IQSEC3: variants seen among roughly 807,000 people sequenced by gnomAD.
IQSEC3 encodes the protein IQ motif and SEC7 domain-containing protein 3.
A neutral mutation model predicts 105.4 loss-of-function variants in IQSEC3; 50 were observed. That is an observed-to-expected ratio of 0.47 (90% CI 0.38 to 0.60). The LOEUF (loss-of-function observed/expected upper bound fraction) is 0.60. Among genes scored for constraint, IQSEC3 ranks in the 20% least tolerant of loss-of-function variants. The pLI is 0.00. For missense variants in IQSEC3, 1,415 were observed against 1,630.0 expected (o/e 0.87, Z 2.27); for synonymous variants, 708 against 746.0 (o/e 0.95, Z 0.83).
chr12:157,992 G>C (rs1264770797), intron 7 of IQSEC3, among the ~76,000 whole-genome samples: 1 of 152,220 alleles, frequency 6.6e-6, no homozygotes, highest in Non-Finnish European at 1.5e-5. Context: ...CGGCTCAAGT[G>C]GTGCCAGCCC....
intron 2 of IQSEC3, among the ~76,000 whole-genome samples, chr12:124,167 AC>A (rs1389130955): frequency 6.6e-6 from 1 of 152,024 alleles, no homozygotes; most frequent in African/African-American, 2.4e-5. Flanking sequence ...CGGGTGGATC[AC>A]CTGAGGTCAG....
chr12:130,986 A>C (rs1162423357), intron 3 of IQSEC3, among the ~76,000 whole-genome samples: 1 of 129,198 alleles, frequency 7.7e-6, no homozygotes, highest in African/African-American at 3.0e-5. Context: ...CCTCCCCGCG[A>C]TCCTCAGCAC....
intron 1 of IQSEC3, among the ~76,000 whole-genome samples, chr12:94,885 C>T (rs908223499): frequency 5.9e-5 from 9 of 152,334 alleles, no homozygotes; most frequent in Admixed American, 3.3e-4. Context: ...TGCTTCTTTG[C>T]GTATGCTCTT....
intron 13 of IQSEC3, chr12:171,459 T>G: frequency 1.4e-6 from 1 of 727,266 alleles, no homozygotes; most frequent in Non-Finnish European, 2.3e-6. Flanking sequence ...GGGCCATCCT[T>G]CCTGTGTGCC....
At chr12:92,074 A>G (rs1350531635) in intron 1 of IQSEC3, among the ~76,000 whole-genome samples, 1 of 152,032 alleles carries the variant, frequency 6.6e-6, no homozygotes, top group Non-Finnish European at 1.5e-5. Context: ...AGACTACCTC[A>G]TGTTTAGGTT....
chr12:106,488 G>A (rs868974814), intron 2 of IQSEC3: 1 of 152,284 alleles, frequency 6.6e-6, no homozygotes, highest in African/African-American at 2.4e-5. Flanking sequence ...CCAGAGGAGT[G>A]ACGCAGAGAA....
intron 2 of IQSEC3, among the ~76,000 whole-genome samples, chr12:109,946 C>T (rs117224601): frequency 6.6e-6 from 1 of 152,156 alleles, no homozygotes; most frequent in African/African-American, 2.4e-5. Flanking sequence ...TGTGCTGGGC[C>T]CTGGCCCCTG....
chr12:141,371 C>T, intron 5 of IQSEC3, 86 bp downstream of exon 5: 1 of 1,410,850 alleles, frequency 7.1e-7, no homozygotes, highest in Admixed American at 1.8e-5. Context: ...TGGTGAAATC[C>T]TCGCTCCAGT....
At chr12:88,832 G>T (rs1555072697) in intron 1 of IQSEC3, among the ~76,000 whole-genome samples, 1 of 152,194 alleles carries the variant, frequency 6.6e-6, no homozygotes, top group Non-Finnish European at 1.5e-5. Flanking sequence ...ATGGCATCCT[G>T]GTAGGGCTCT....
chr12:83,158 G>A (rs1863803305), intron 1 of IQSEC3, among the ~76,000 whole-genome samples: 1 of 152,218 alleles, frequency 6.6e-6, no homozygotes, highest in Non-Finnish European at 1.5e-5. Context: ...AGAAAGGAGA[G>A]GAGGGCAGCT....
At chr12:83,825 G>A (rs1440618814) in intron 1 of IQSEC3, among the ~76,000 whole-genome samples, 1 of 152,168 alleles carries the variant, frequency 6.6e-6, no homozygotes, top group Non-Finnish European at 1.5e-5. Flanking sequence ...GTGCACCCTT[G>A]TTTGGTGTCC....
At chr12:76,086 T>TCA (rs55736036) in intron 1 of IQSEC3, among the ~76,000 whole-genome samples, 1,672 of 148,276 alleles carry the variant, frequency 0.011, 4 homozygotes, top group African/African-American at 0.031. Context: ...GAGAGTTTCA[T>TCA]CACACACACA....
chr12:104,800 C>CTG (rs1864588165), intron 2 of IQSEC3, among the ~76,000 whole-genome samples: 2 of 152,264 alleles, frequency 1.3e-5, no homozygotes, highest in Admixed American at 6.5e-5. Flanking sequence ...ATTGGCATAG[C>CTG]TGGGGCATTT....
chr12:124,157 C>A (rs144783331), intron 2 of IQSEC3, among the ~76,000 whole-genome samples: 1 of 151,926 alleles, frequency 6.6e-6, no homozygotes, highest in African/African-American at 2.4e-5. Flanking sequence ...GAGGCTGAGG[C>A]GGGTGGATCA....
At chr12:161,774 G>C (rs1866900659) in intron 7 of IQSEC3, 152 bp from the exon 8 acceptor site, 3 of 656,608 alleles carry the variant, frequency 4.6e-6, no homozygotes, top group Non-Finnish European at 7.8e-6. Flanking sequence ...TAATTGAATG[G>C]GTATGAGGCA....
chr12:134,724 G>A (rs1865703272), intron 3 of IQSEC3, among the ~76,000 whole-genome samples: 1 of 151,312 alleles, frequency 6.6e-6, no homozygotes, highest in African/African-American at 2.4e-5. Flanking sequence ...GCAAAACTCT[G>A]TCTCTACTAA....
Position 141,268 on chromosome 12 carries a change from C to G in IQSEC3, c.2136C>G (p.Phe712Leu). 1 of 1,614,092 alleles carries G rather than the reference C, an allele frequency of 6.2e-7. No individual in the cohort carries two copies. The highest frequency in any genetic ancestry group is 2.2e-5 in the East Asian group (1 of 44,870). ...GEFLGNSKKQ[F>L]NRDVLDCVVD... Reference sequence around the variant, plus strand: ...TCCTGGGCAACAGCAAGAAGCAGTTCAACCGCGACGTGCTGGAGTGAGTAC... The same window carrying G: ...TCCTGGGCAACAGCAAGAAGCAGTTGAACCGCGACGTGCTGGAGTGAGTAC... The change falls in exon 5 of 14, where the codon TTC becomes TTG. Residue 712 changes from phenylalanine to leucine, a missense_variant. Phe to Leu is a conservative substitution (Grantham distance 22, BLOSUM62 0). Coordinates refer to ENST00000538872, the MANE Select transcript of IQSEC3 (RefSeq NM_001170738.2).
chr12:162,965 G>C (rs1310167211), intron 8 of IQSEC3, among the ~76,000 whole-genome samples: 7 of 152,064 alleles, frequency 4.6e-5, no homozygotes, highest in Non-Finnish European at 1.0e-4. Flanking sequence ...TCCTATTCCT[G>C]TCCCTCTATC....
chr12:165,409 A>T (rs782118282), intron 9 of IQSEC3, 25 bp from the exon 10 acceptor site: 7 of 1,583,220 alleles, frequency 4.4e-6, no homozygotes, highest in Non-Finnish European at 4.3e-6. Flanking sequence ...TCATCAGGGC[A>T]TGCCTGTTTC....
Sources: allele counts gnomAD v4.1 joint callset (sites outside exome capture counted in the v4.1 genomes callset), GRCh38; gene constraint gnomAD v4.1.1; transcripts MANE v1.5; gene names NCBI Gene and HGNC (gene_info 2026-07-23, HGNC 2026-07-21).